CPEB3: variants seen among roughly 807,000 people sequenced by gnomAD.
CPEB3 encodes cytoplasmic polyadenylation element binding protein 3.
CPEB3 carries 20 observed loss-of-function variants against 67.2 expected under a neutral mutation model. That is an observed-to-expected ratio of 0.30 (90% CI 0.21 to 0.43). The LOEUF is 0.43. Ranked by LOEUF, CPEB3 falls within the 20% of genes least tolerant of loss-of-function variation. The pLI is 1.00. For missense variants in CPEB3, 746 were observed against 968.6 expected (o/e 0.77, Z 3.05); for synonymous variants, 376 against 393.1 (o/e 0.96, Z 0.51).
chr10:92,142,244 C>CT, intron 6 of CPEB3, among the ~76,000 whole-genome samples: 1 of 152,250 alleles, frequency 6.6e-6, no homozygotes, highest in Admixed American at 6.5e-5. Flanking sequence ...TTCACTTCAT[C>CT]TTTTTGTGCT....
chr10:92,102,425 T>TC (rs1329038655), intron 7 of CPEB3, among the ~76,000 whole-genome samples: 1 of 152,150 alleles, frequency 6.6e-6, no homozygotes, highest in African/African-American at 2.4e-5. Flanking sequence ...TTTCACATCC[T>TC]CCTTGGATGC....
intron 8 of CPEB3, among the ~76,000 whole-genome samples, chr10:92,086,173 CTT>C (rs1843364305): frequency 6.6e-6 from 1 of 152,120 alleles, no homozygotes; most frequent in Admixed American, 6.6e-5. Context: ...TATTTCTTCT[CTT>C]TGGAAATAAG....
At chr10:92,270,738 G>T (rs545033633) in intron 1 of CPEB3, among the ~76,000 whole-genome samples, 2 of 76,854 alleles carry the variant, frequency 2.6e-5, no homozygotes, top group East Asian at 2.8e-4. Context: ...AATTTCTGGG[G>T]TGCTTTTTTT....
At chr10:92,184,005 A>T (rs1294816420) in intron 3 of CPEB3, among the ~76,000 whole-genome samples, 1 of 152,196 alleles carries the variant, frequency 6.6e-6, no homozygotes, top group African/African-American at 2.4e-5. Context: ...GAAGTTAAAC[A>T]TACCTACATG....
chr10:92,193,432 T>C (rs1445405014), intron 2 of CPEB3, among the ~76,000 whole-genome samples: 1 of 151,946 alleles, frequency 6.6e-6, no homozygotes, highest in Non-Finnish European at 1.5e-5. Flanking sequence ...AACAGAGATG[T>C]TCCCCCCACC....
At chr10:92,093,257 C>G (rs1017408272) in intron 7 of CPEB3, among the ~76,000 whole-genome samples, 1 of 152,108 alleles carries the variant, frequency 6.6e-6, no homozygotes, top group African/African-American at 2.4e-5. Context: ...TCCCCTCCAC[C>G]AATGAATGAC....
At chr10:92,135,111 C>T (rs576522230) in intron 6 of CPEB3, among the ~76,000 whole-genome samples, 35 of 152,224 alleles carry the variant, frequency 2.3e-4, no homozygotes, top group African/African-American at 7.9e-4. Context: ...TGGGCAAGGA[C>T]GTCATGACTA....
At chr10:92,240,696 C>A (rs1405854653) in intron 1 of CPEB3, among the ~76,000 whole-genome samples, 4 of 152,118 alleles carry the variant, frequency 2.6e-5, no homozygotes, top group African/African-American at 9.7e-5. Flanking sequence ...TCAGAGCGTT[C>A]GCCCTGCAAT....
At chr10:92,052,648 T>C (rs10882018) in intron 9 of CPEB3, among the ~76,000 whole-genome samples, 46,079 of 152,120 alleles carry the variant, frequency 0.3, 7,189 homozygotes, top group Admixed American at 0.36. Flanking sequence ...ATTCTTAAAA[T>C]CTCTGTGCCT....
At chr10:92,280,881 T>C (rs1842266026) in intron 1 of CPEB3, among the ~76,000 whole-genome samples, 1 of 147,668 alleles carries the variant, frequency 6.8e-6, no homozygotes, top group Non-Finnish European at 1.5e-5. Flanking sequence ...TGCCTCAGCC[T>C]CCTGAGTAGC....
intron 6 of CPEB3, among the ~76,000 whole-genome samples, chr10:92,140,225 C>T (rs1390880224): frequency 6.6e-6 from 1 of 152,160 alleles, no homozygotes; most frequent in East Asian, 1.9e-4. Context: ...TACCTGACTT[C>T]AAACTATACT....
At chr10:92,128,164 A>C (rs1845685641) in intron 6 of CPEB3, among the ~76,000 whole-genome samples, 1 of 152,202 alleles carries the variant, frequency 6.6e-6, no homozygotes, top group Non-Finnish European at 1.5e-5. Context: ...ACAGAAAATA[A>C]TCTGAAAGAG....
intron 1 of CPEB3, among the ~76,000 whole-genome samples, chr10:92,244,932 G>A (rs1851998636): frequency 6.6e-6 from 1 of 152,062 alleles, no homozygotes. Flanking sequence ...CTCACCCAAG[G>A]GGTTAGCAAT....
intron 1 of CPEB3, among the ~76,000 whole-genome samples, chr10:92,272,520 C>T (rs1332814322): frequency 1.3e-5 from 2 of 152,104 alleles, no homozygotes; most frequent in Admixed American, 1.3e-4. Context: ...TCTATAAACT[C>T]AAGAGTGTGT....
intron 8 of CPEB3, among the ~76,000 whole-genome samples, chr10:92,089,433 A>C (rs1843519203): frequency 6.6e-6 from 1 of 152,196 alleles, no homozygotes; most frequent in African/African-American, 2.4e-5. Flanking sequence ...TTAGATTACT[A>C]TCCACATAAC....
intron 6 of CPEB3, among the ~76,000 whole-genome samples, chr10:92,122,657 C>T (rs1047738720): frequency 6.6e-6 from 1 of 152,104 alleles, no homozygotes; most frequent in Admixed American, 6.5e-5. Context: ...CATTAATGAT[C>T]CTAAGAAGTA....
At chr10:92,093,610 C>A (rs1338269549) in intron 7 of CPEB3, among the ~76,000 whole-genome samples, 1 of 151,158 alleles carries the variant, frequency 6.6e-6, no homozygotes, top group East Asian at 2.0e-4. Context: ...CAAGAGAATT[C>A]TCTTGCCTTG....
In CPEB3 at chr10:92,203,018, T is replaced by G. The variant is rs1849590098; in HGVS notation, c.1006-10382A>C. 3.3e-5 allele frequency among the ~76,000 whole-genome samples: 5 copies of G among 151,470 alleles called. No individual in the cohort carries two copies. In the South Asian group the frequency reaches 1.0e-3, roughly 31 times the overall value. On this transcript the variant is annotated intron_variant, in intron 2 of 9. Transcript: ENST00000265997. Reference sequence around the variant, plus strand: ...GTGCAGTGGCGCCATCTTGGCTCACTGCAACCTCTGCCTCCCAGGTTCAAG... The same window carrying G: ...GTGCAGTGGCGCCATCTTGGCTCACGGCAACCTCTGCCTCCCAGGTTCAAG...
intron 4 of CPEB3, among the ~76,000 whole-genome samples, chr10:92,169,377 G>A (rs1847901166): frequency 6.6e-6 from 1 of 152,204 alleles, no homozygotes; most frequent in Admixed American, 6.5e-5. Flanking sequence ...GACCTCAGGT[G>A]ATCCACCCGC....
Sources: gnomAD v4.1 joint callset for allele counts (sites outside exome capture counted in the v4.1 genomes callset) on GRCh38, gnomAD v4.1.1 for gene constraint, MANE v1.5 for transcripts, NCBI Gene and HGNC (gene_info 2026-07-23, HGNC 2026-07-21) for gene names.